P2RX3: variants seen among roughly 807,000 people sequenced by gnomAD.
P2RX3 encodes P2X purinoceptor 3.
In P2RX3, 41 loss-of-function variants were observed where a neutral mutation model predicts 51.5. That is an observed-to-expected ratio of 0.80 (90% CI 0.62 to 1.03). The LOEUF (loss-of-function observed/expected upper bound fraction) is 1.03, where lower values mean the gene tolerates loss of function less well. P2RX3 is among the 50% of genes least tolerant of loss of function. The pLI, the probability that P2RX3 is intolerant of heterozygous loss-of-function variation, is 0.00. For missense variants in P2RX3, 459 were observed against 522.1 expected, an observed-to-expected ratio of 0.88 and a Z score of 1.18; for synonymous variants, 185 against 191.6, an observed-to-expected ratio of 0.97 and a Z score of 0.29.
chr11:57,346,670 G>A lies in P2RX3; in HGVS notation c.246G>A (p.Thr82=), dbSNP rs11229005. The A allele has an allele frequency of 2.2e-3, 3,619 of 1,613,778 alleles. 44 individuals are homozygous for A. The African/African-American group carries it at 0.035, about 16-fold the overall frequency. The change falls in exon 2 of 12, where the codon ACG becomes ACA. Residue 82 remains threonine, a synonymous_variant. Coordinates refer to ENST00000263314, the MANE Select transcript of P2RX3 (RefSeq NM_002559.5). ...NRVMDVSDYV[T]PPQGTSVFVI... Reference sequence around the variant, plus strand: ...TCATGGATGTGTCTGATTACGTGACGCCACCTCAGGTATGGTACCCCTACC... The same window carrying A: ...TCATGGATGTGTCTGATTACGTGACACCACCTCAGGTATGGTACCCCTACC...
chr11:57,336,234 T>C (rs970635657), upstream of P2RX3, among the ~76,000 whole-genome samples: 1 of 152,178 alleles, frequency 6.6e-6, no homozygotes. Flanking sequence ...ATTTGAACAG[T>C]TGTGGGAGGA....
At chr11:57,349,095 C>A (rs539131421) in intron 6 of P2RX3, among the ~76,000 whole-genome samples, 2 of 152,168 alleles carry the variant, frequency 1.3e-5, no homozygotes, top group Admixed American at 6.5e-5. Context: ...GTTCAGCCCC[C>A]CTTCATTGAC....
chr11:57,354,812 G>A (rs750073578), intron 8 of P2RX3, among the ~76,000 whole-genome samples: 8 of 152,252 alleles, frequency 5.3e-5, no homozygotes, highest in East Asian at 1.9e-4. Flanking sequence ...CAGGGTCCCC[G>A]CAGGAAACAG....
Position 57,338,610 on chromosome 11 carries a change from C to G in P2RX3, c.60C>G (p.Ser20Arg), listed in dbSNP as rs750593737. 1 of 1,598,270 alleles carries G rather than the reference C, an allele frequency of 6.3e-7. No individual in the cohort carries two copies. Among genetic ancestry groups the G allele is most frequent in the Non-Finnish European group, 8.6e-7 (1 of 1,166,986 alleles). ...CCACCAAGTCGGTGGTTGTGAAGAG[C>G]TGGACCATCGGGATCATCAACCGAG... ...YETTKSVVVK[S>R]WTIGIINRVV... Residue 20 changes from serine to arginine, a missense_variant, in exon 1 of 12, where the codon AGC (serine) becomes AGG (arginine). Physicochemically the swap from Ser to Arg is moderately radical, Grantham distance 110. Transcript: ENST00000263314.
chr11:57,353,010 G>A (rs1856571518), intron 8 of P2RX3, among the ~76,000 whole-genome samples: 1 of 152,180 alleles, frequency 6.6e-6, no homozygotes, highest in Admixed American at 6.5e-5. Flanking sequence ...GGCAAGCAGA[G>A]GGCTCTGCCC....
rs552481214 is a variant in P2RX3 at position 57,355,259 on chromosome 11, T to A, written c.842+4361T>A. 2.7e-4 allele frequency among the ~76,000 whole-genome samples: 41 copies of A among 152,244 alleles called. 1 individual carries two copies. The South Asian group carries it at 8.3e-3, about 31-fold the overall frequency. Reference sequence around the variant, plus strand: ...CCCCCGATGAAAATGGGGACCATTGTCCAAGGAAGATGCATGTATTCATAG... The same window carrying A: ...CCCCCGATGAAAATGGGGACCATTGACCAAGGAAGATGCATGTATTCATAG... On this transcript the variant is annotated intron_variant, in intron 8 of 11. Transcript: ENST00000263314.
chr11:57,360,213 C>T (rs1198620958), intron 8 of P2RX3, among the ~76,000 whole-genome samples: 1 of 152,146 alleles, frequency 6.6e-6, no homozygotes, highest in Non-Finnish European at 1.5e-5. Context: ...TTGCCCCTAT[C>T]GAGAGGCTGG....
chr11:57,349,813 C>A lies in P2RX3; in HGVS notation c.620C>A (p.Pro207Gln), dbSNP rs763021248. Residue 207 changes from proline (P) to glutamine (Q), a missense_variant, in exon 7 of 12, where the codon CCG (proline) becomes CAG (glutamine). Transcript: ENST00000263314. ...ARDMKTCRFH[P>Q]DKDPFCPILR... ...GACATGAAGACCTGCCGCTTCCACC[C>A]GGACAAGGACCCTTTCTGCCCCATC... 2 of 1,614,214 alleles carry A rather than the reference C, an allele frequency of 1.2e-6. No homozygotes were observed. Among genetic ancestry groups the A allele is most frequent in the Non-Finnish European group, 1.7e-6 (2 of 1,180,036 alleles).
intron 8 of P2RX3, among the ~76,000 whole-genome samples, chr11:57,354,463 G>A (rs1177505413): frequency 6.6e-6 from 1 of 152,180 alleles, no homozygotes; most frequent in Non-Finnish European, 1.5e-5. Flanking sequence ...ACTGTTGAGA[G>A]TCACCAGTTC....
chr11:57,367,919 G>A, intron 8 of P2RX3, 90 bp from the exon 9 acceptor site: 1 of 1,025,322 alleles, frequency 9.8e-7, no homozygotes, highest in Non-Finnish European at 1.5e-6. Flanking sequence ...TGCTCAGTGA[G>A]CCAAGACACA....
chr11:57,353,427 G>A (rs1856578358), intron 8 of P2RX3, among the ~76,000 whole-genome samples: 1 of 152,150 alleles, frequency 6.6e-6, no homozygotes, highest in South Asian at 2.1e-4. Flanking sequence ...CAAGCAAGAG[G>A]GGGAGCCTGG....
rs556526815 is a variant in P2RX3, at chr11:57,367,928, C to T, written c.843-81C>T. On this transcript the variant is annotated intron_variant, in intron 8 of 11. Transcript: ENST00000263314. ...AAGGGTTGCTCAGTGAGCCAAGACA[C>T]AGGGCTCTGGAGGACCCAGAAGGTT... The T allele has an allele frequency of 4.5e-6, 5 of 1,120,002 alleles. No homozygotes were observed. The Admixed American group carries it at 9.1e-5, about 20-fold the overall frequency. The allele number at this position is 1,120,002 out of a possible 1,614,324, so 69.4% of individuals were successfully genotyped here.
chr11:57,358,745 C>A (rs1254151171), intron 8 of P2RX3, among the ~76,000 whole-genome samples: 1 of 152,184 alleles, frequency 6.6e-6, no homozygotes, highest in African/African-American at 2.4e-5. Context: ...TATTTATAGA[C>A]CTATCACAAT....
rs774506616 is a variant in P2RX3 at position 57,349,834 on chromosome 11, C to A, written c.641C>A (p.Pro214His). The change falls in exon 7 of 12, where the codon CCC becomes CAC. Residue 214 changes from proline to histidine, a missense_variant. Coordinates refer to ENST00000263314, the MANE Select transcript of P2RX3 (RefSeq NM_002559.5). ...RFHPDKDPFC[P>H]ILRVGDVVKF... The stretch of plus-strand genomic sequence containing the variant: ...CACCCGGACAAGGACCCTTTCTGCC[C>A]CATCTTGCGGGTAGGGGACGTGGTC... The A allele has an allele frequency of 3.1e-6, 5 of 1,614,110 alleles. No individual in the cohort carries two copies. The highest frequency in any genetic ancestry group is 4.2e-6 in the Non-Finnish European group (5 of 1,180,044).
chr11:57,346,411 G>A (rs1422814206), intron 1 of P2RX3, 133 bp from the exon 2 acceptor site: 4 of 1,060,586 alleles, frequency 3.8e-6, no homozygotes, highest in African/African-American at 3.2e-5. Flanking sequence ...TAGGTCTCAC[G>A]CCTCTGGAAG....
In P2RX3 at chr11:57,348,681, T is replaced by C. The variant is rs1242200740; in HGVS notation, c.540T>C (p.Arg180=). The C allele has an allele frequency of 1.2e-6, 2 of 1,613,648 alleles. No individual in the cohort carries two copies. Among genetic ancestry groups the C allele is most frequent in the Non-Finnish European group, 8.5e-7 (1 of 1,179,866 alleles). The change falls in exon 6 of 12, where the codon CGT becomes CGC. Residue 180 remains arginine, a synonymous_variant. Coordinates refer to ENST00000263314, the MANE Select transcript of P2RX3 (RefSeq NM_002559.5). ...NFTIFIKNSI[R]FPLFNFEKGN... ...CTATTTTCATCAAGAACAGCATCCG[T>C]TTCCCCCTCTTCAACTTTGAGAAGT...
chr11:57,337,350 GAAAAA>G (rs11339711), upstream of P2RX3, among the ~76,000 whole-genome samples: 3 of 73,496 alleles, frequency 4.1e-5, no homozygotes, highest in East Asian at 1.1e-3. Flanking sequence ...AGGAAAGAAA[GAAAAA>G]AAAAAAAAAC....
intron 8 of P2RX3, among the ~76,000 whole-genome samples, chr11:57,360,007 A>G (rs1856689567): frequency 6.6e-6 from 1 of 152,176 alleles, no homozygotes; most frequent in South Asian, 2.1e-4. Context: ...CAGAGAGGTA[A>G]TTCACCCAAG....
chr11:57,348,643 G>A lies in P2RX3; in HGVS notation c.502G>A (p.Ala168Thr). The change falls in exon 6 of 12, where the codon GCT becomes ACT. Residue 168 changes from alanine to threonine, a missense_variant. Coordinates refer to ENST00000263314, the MANE Select transcript of P2RX3 (RefSeq NM_002559.5). The part of the protein sequence containing the change: ...DTVETPIMME[A>T]ENFTIFIKNS... The stretch of plus-strand genomic sequence containing the variant: ...CACCCACAGGCCCATCATGATGGAA[G>A]CTGAGAACTTCACTATTTTCATCAA... 6.2e-7 allele frequency: 1 copy of A among 1,613,964 alleles called. No homozygotes were observed. The highest frequency in any genetic ancestry group is 8.5e-7 in the Non-Finnish European group (1 of 1,179,944).
Sources: gnomAD v4.1 joint callset for allele counts (sites outside exome capture counted in the v4.1 genomes callset) on GRCh38, gnomAD v4.1.1 for gene constraint, MANE v1.5 for transcripts, NCBI Gene and HGNC (gene_info 2026-07-23, HGNC 2026-07-21) for gene names.